The following MYOM1 variants were observed in gnomAD, a reference collection of about 807,000 sequenced individuals.
The protein encoded by MYOM1 is myomesin 1.
A neutral mutation model predicts 205.3 loss-of-function variants in MYOM1; 164 were observed. That is an observed-to-expected ratio of 0.80 (90% CI 0.70 to 0.91). MYOM1 has a LOEUF of 0.91. Ranked by LOEUF, MYOM1 falls within the 40% of genes least tolerant of loss-of-function variation. The pLI, the probability that MYOM1 is intolerant of heterozygous loss-of-function variation, is 0.00. For synonymous variants in MYOM1, 772 were observed against 789.4 expected (o/e 0.98, Z 0.37); for missense variants, 2,011 against 2,127.3 (o/e 0.95, Z 1.08).
chr18:3,113,505 A>AT (rs71159045), intron 21 of MYOM1, among the ~76,000 whole-genome samples: 132,193 of 151,470 alleles, frequency 0.87, 58,176 homozygotes, highest in East Asian at 0.97. Context: ...CCTAAAAACA[A>AT]TTTTTTTTAT....
At chr18:3,156,882 T>G (rs1456399172) in intron 10 of MYOM1, among the ~76,000 whole-genome samples, 1 of 152,196 alleles carries the variant, frequency 6.6e-6, no homozygotes, top group Non-Finnish European at 1.5e-5. Flanking sequence ...GTGCTGGGAT[T>G]ACAGGCGTGA....
intron 21 of MYOM1, among the ~76,000 whole-genome samples, chr18:3,112,767 A>G (rs945967496): frequency 6.6e-6 from 1 of 152,242 alleles, no homozygotes; most frequent in Non-Finnish European, 1.5e-5. Flanking sequence ...ACAAAATACA[A>G]AGTGCTCATT....
chr18:3,136,990 G>A (rs188197941), intron 14 of MYOM1, among the ~76,000 whole-genome samples: 337 of 147,972 alleles, frequency 2.3e-3, no homozygotes, highest in Middle Eastern at 3.5e-3. Flanking sequence ...TCGCTGGGTC[G>A]CCCAGGCTGG....
At chr18:3,221,514 C>T (rs1465967348), upstream of MYOM1, among the ~76,000 whole-genome samples, 1 of 152,176 alleles carries the variant, frequency 6.6e-6, no homozygotes, top group Non-Finnish European at 1.5e-5. Context: ...AGCAAAGCTT[C>T]CAGAAGGGAA....
intron 9 of MYOM1, among the ~76,000 whole-genome samples, chr18:3,166,328 C>T (rs571398087): frequency 2.0e-5 from 3 of 147,132 alleles, no homozygotes; most frequent in Non-Finnish European, 3.0e-5. Context: ...TAGAGTGCAG[C>T]GGTGTGATCT....
chr18:3,242,710 T>G, the MYOM1 span, among the ~76,000 whole-genome samples: 1 of 152,162 alleles, frequency 6.6e-6, no homozygotes, highest in Non-Finnish European at 1.5e-5. Flanking sequence ...GGTTTCACCA[T>G]GTTGGCCAGG....
chr18:3,221,469 C>G (rs1567976010), upstream of MYOM1, among the ~76,000 whole-genome samples: 1 of 152,198 alleles, frequency 6.6e-6, no homozygotes, highest in Non-Finnish European at 1.5e-5. Flanking sequence ...CTTATCATAC[C>G]TTGCAAGGTA....
Position 3,135,734 on chromosome 18 carries a change from C to T in MYOM1, c.2026-4G>A, listed in dbSNP as rs765354764. ...AGTTTTCTGTTCCTGCCTCACACTG[C>T]AGCAAGAACAGGGAAACCCATTGAA... On this transcript the variant is annotated splice_polypyrimidine_tract_variant and splice_region_variant and intron_variant, in intron 14 of 37. Transcript: ENST00000356443. The surrounding 1 kb of genome is among the most constrained non-coding windows in gnomAD (Gnocchi z 4.1). 1 of 1,613,698 alleles carries T rather than the reference C, an allele frequency of 6.2e-7. No homozygotes were observed.
In MYOM1 at chr18:3,083,976, A is replaced by G. The variant is rs569363950; in HGVS notation, c.4378+13T>C. 6.3e-7 allele frequency: 1 copy of G among 1,588,276 alleles called. No individual in the cohort carries two copies. Among genetic ancestry groups the G allele is most frequent in the African/African-American group, 1.3e-5 (1 of 74,772 alleles). On this transcript the variant is annotated intron_variant, in intron 32 of 37. Transcript: ENST00000356443. ...TCATAAAGCATTGTTGTGGTGCGAA[A>G]TGTTTGACTCACCTATTTTTTTGCA...
intron 25 of MYOM1, among the ~76,000 whole-genome samples, chr18:3,096,723 A>C (rs1347023486): frequency 6.6e-6 from 1 of 152,158 alleles, no homozygotes; most frequent in Non-Finnish European, 1.5e-5. Flanking sequence ...GTGCATGTAT[A>C]CAAGAGGGGT....
chr18:3,191,852 C>T (rs1046139283), intron 3 of MYOM1, among the ~76,000 whole-genome samples: 2 of 151,524 alleles, frequency 1.3e-5, no homozygotes, highest in Admixed American at 1.3e-4. Context: ...CCCGCCACCA[C>T]GCCCGGCTAA....
At chr18:3,211,176 C>A (rs2081186568) in intron 2 of MYOM1, among the ~76,000 whole-genome samples, 1 of 152,160 alleles carries the variant, frequency 6.6e-6, no homozygotes, top group Admixed American at 6.5e-5. Flanking sequence ...TTATTTTCAT[C>A]CTAATGTATG....
At chr18:3,100,041 C>T in intron 25 of MYOM1, 118 bp downstream of exon 25, 2 of 1,038,438 alleles carry the variant, frequency 1.9e-6, no homozygotes, top group African/African-American at 1.6e-5. Flanking sequence ...ATGTGTGTTC[C>T]ATTATATGTT....
In MYOM1 at chr18:3,164,259, G is replaced by GT. The variant is rs750594795; in HGVS notation, c.1501+18dup. The GT allele has an allele frequency of 4.4e-6, 7 of 1,608,130 alleles. No homozygotes were observed. In the African/African-American group the frequency reaches 8.0e-5, roughly 18 times the overall value. On this transcript the variant is annotated intron_variant, in intron 10 of 37. Coordinates refer to ENST00000356443, the MANE Select transcript of MYOM1 (RefSeq NM_003803.4). Reference sequence around the variant, plus strand: ...TGTACTAAATATTGTTAGGTGTTTTGTTTTTTGCTAGGACTTACCTCGAAC... The same window carrying GT: ...TGTACTAAATATTGTTAGGTGTTTTGTTTTTTTGCTAGGACTTACCTCGAAC...
intron 26 of MYOM1, 22 bp from the exon 27 acceptor site, chr18:3,090,824 A>T (rs748433196): frequency 3.0e-5 from 48 of 1,613,336 alleles, no homozygotes; most frequent in Non-Finnish European, 3.8e-5. Context: ...AAAGAAAATG[A>T]CAGAGAAATC....
intron 37 of MYOM1, among the ~76,000 whole-genome samples, chr18:3,070,750 G>A (rs2078949802): frequency 6.6e-6 from 1 of 151,250 alleles, no homozygotes; most frequent in Non-Finnish European, 1.5e-5. Context: ...GTGTGTGTGT[G>A]TGTGTGTGTG....
Position 3,207,395 on chromosome 18 carries a change from A to G in MYOM1, c.290+7539T>C, listed in dbSNP as rs57477166. On this transcript the variant is annotated intron_variant, in intron 2 of 37. Coordinates refer to ENST00000356443, the MANE Select transcript of MYOM1 (RefSeq NM_003803.4). Reference sequence around the variant, plus strand: ...TATAAAGACACTTGACAATAGTATCAGGAGATGCCTTACTAAGTCTAAGGT... The same window carrying G: ...TATAAAGACACTTGACAATAGTATCGGGAGATGCCTTACTAAGTCTAAGGT... Among the ~76,000 whole-genome samples, 407 of 152,360 alleles carry G rather than the reference A, an allele frequency of 2.7e-3. 1 individual carries two copies. The highest frequency in any genetic ancestry group is 9.5e-3 in the African/African-American group (394 of 41,590).
intron 19 of MYOM1, among the ~76,000 whole-genome samples, chr18:3,126,045 G>T (rs534637774): frequency 3.9e-5 from 6 of 152,216 alleles, no homozygotes; most frequent in South Asian, 4.2e-4. Context: ...GAGGTGAGCG[G>T]ATCACTTGAG....
chr18:3,191,903 A>G (rs5028330), intron 3 of MYOM1, among the ~76,000 whole-genome samples: 38,563 of 151,780 alleles, frequency 0.25, 5,208 homozygotes, highest in East Asian at 0.53. Flanking sequence ...TCACCGTGTT[A>G]GCCAGGATGG....
Sources: gnomAD v4.1 joint callset for allele counts (sites outside exome capture counted in the v4.1 genomes callset) on GRCh38, gnomAD v4.1.1 for gene constraint, Gnocchi (gnomAD v3.1) non-coding constraint, MANE v1.5 for transcripts, NCBI Gene and HGNC (gene_info 2026-07-23, HGNC 2026-07-21) for gene names.